Variants in SCP2 observed in about 807,000 individuals in gnomAD.
SCP2 encodes the protein sterol carrier protein 2.
A neutral mutation model predicts 71.4 loss-of-function variants in SCP2; 48 were observed. The observed-to-expected ratio is 0.67, with a 90% CI of 0.53 to 0.86. SCP2 has a LOEUF of 0.86. Among genes scored for constraint, SCP2 ranks in the 40% least tolerant of loss-of-function variants. The pLI is 0.00. For synonymous variants in SCP2, 220 were observed against 218.1 expected (o/e 1.01, Z -0.08); for missense variants, 560 against 655.6 (o/e 0.85, Z 1.59).
intron 6 of SCP2, among the ~76,000 whole-genome samples, chr1:52,969,725 G>A (rs1295039508): frequency 6.6e-6 from 1 of 152,162 alleles, no homozygotes; most frequent in Admixed American, 6.5e-5. Flanking sequence ...GGAGGCTGAG[G>A]CAGGAGAACT....
At chr1:53,048,498 AC>A (rs1168597266) in intron 15 of SCP2, 1 of 181,626 alleles carries the variant, frequency 5.5e-6, no homozygotes, top group Non-Finnish European at 1.2e-5. Flanking sequence ...GGGAGCTGTA[AC>A]CAGTCCCTCT....
chr1:52,967,327 A>AT lies in SCP2; in HGVS notation c.523+5710dup, dbSNP rs78972221. Among the ~76,000 whole-genome samples the AT allele has an allele frequency of 3.8e-3, 545 of 142,898 alleles. 5 individuals carry two copies. Among genetic ancestry groups the AT allele is most frequent in the East Asian group, 0.031 (152 of 4,886 alleles). 93.7% of individuals were successfully genotyped at this position (142,898 alleles called of 152,430 possible). ...TTCTTTCTTTTTGGCTTGGTAATCT[A>AT]TTTTTTTTTTTTAATGTTTAAACAT... On this transcript the variant is annotated intron_variant, in intron 6 of 15. Coordinates refer to ENST00000371514, the MANE Select transcript of SCP2 (RefSeq NM_002979.5).
intron 10 of SCP2, among the ~76,000 whole-genome samples, chr1:52,985,620 C>T (rs2150182495): frequency 6.6e-6 from 1 of 152,322 alleles, no homozygotes; most frequent in East Asian, 1.9e-4. Context: ...CCAGTAGTTT[C>T]TCAACTCACT....
chr1:53,005,064 C>T (rs1476597856), intron 11 of SCP2, among the ~76,000 whole-genome samples: 7 of 152,162 alleles, frequency 4.6e-5, no homozygotes, highest in South Asian at 2.1e-4. Context: ...AAGGTGACAG[C>T]GAGGCTTGGG....
chr1:52,935,451 G>A (rs1166012610), intron 1 of SCP2, among the ~76,000 whole-genome samples: 3 of 151,060 alleles, frequency 2.0e-5, no homozygotes, highest in Non-Finnish European at 4.4e-5. Context: ...TTAGCCAGGC[G>A]TGGTGGTGGA....
intron 5 of SCP2, among the ~76,000 whole-genome samples, chr1:52,955,950 AC>A (rs1655753703): frequency 6.6e-6 from 1 of 151,996 alleles, no homozygotes; most frequent in Non-Finnish European, 1.5e-5. Flanking sequence ...ATAGGAAATT[AC>A]AAAAAAGAAC....
chr1:52,968,230 C>T (rs1657155322), intron 6 of SCP2, among the ~76,000 whole-genome samples: 1 of 152,172 alleles, frequency 6.6e-6, no homozygotes, highest in Non-Finnish European at 1.5e-5. Flanking sequence ...TGTTAGCCAC[C>T]ACGCCGGCCT....
intron 13 of SCP2, among the ~76,000 whole-genome samples, chr1:53,028,380 A>C (rs1476097409): frequency 2.0e-5 from 3 of 152,124 alleles, no homozygotes; most frequent in South Asian, 2.1e-4. Flanking sequence ...ATATAAAGGG[A>C]TTCTAATTTA....
chr1:52,948,878 C>T (rs769106687), intron 3 of SCP2, among the ~76,000 whole-genome samples: 2 of 152,010 alleles, frequency 1.3e-5, no homozygotes, highest in Non-Finnish European at 2.9e-5. Flanking sequence ...CCACAGAACT[C>T]GTTCATCTTA....
At chr1:52,956,902 CTTTTTTTTTTTT>C (rs370787153) in intron 5 of SCP2, among the ~76,000 whole-genome samples, 1 of 105,896 alleles carries the variant, frequency 9.4e-6, no homozygotes, top group Non-Finnish European at 1.8e-5. Context: ...CTCCTTCTGC[CTTTTTTTTTTTT>C]TTTTTTTTTT....
chr1:53,025,744 T>C (rs922035513), intron 12 of SCP2, among the ~76,000 whole-genome samples: 12 of 152,228 alleles, frequency 7.9e-5, no homozygotes, highest in Admixed American at 7.2e-4. Flanking sequence ...GCCTCCTAAC[T>C]AGTGCCCACT....
Position 52,962,362 on chromosome 1 carries a change from G to A in SCP2, c.523+733G>A, listed in dbSNP as rs150514469. 7.6e-3 allele frequency among the ~76,000 whole-genome samples: 1,162 copies of A among 151,968 alleles called. 9 individuals carry two copies. The highest frequency in any genetic ancestry group is 0.014 in the Middle Eastern group (4 of 294). On this transcript the variant is annotated intron_variant, in intron 6 of 15. Coordinates refer to ENST00000371514, the MANE Select transcript of SCP2 (RefSeq NM_002979.5). ...ACTTTTGCTGTAGTGGCATAATTTC[G>A]CACCTGAAATTTAGGAGTGTTCTAA... is the stretch of plus-strand genomic sequence containing the variant.
At chr1:53,048,450 T>G (rs972923954) in intron 15 of SCP2, 1 of 191,036 alleles carries the variant, frequency 5.2e-6, no homozygotes, top group African/African-American at 2.3e-5. Flanking sequence ...CAAAATTAGC[T>G]CAGATATTAT....
chr1:52,997,844 C>T (rs1455919945), intron 11 of SCP2, among the ~76,000 whole-genome samples: 16 of 152,186 alleles, frequency 1.1e-4, no homozygotes, highest in Admixed American at 1.0e-3. Context: ...TCATTACCCC[C>T]AAAAGTTCTA....
chr1:52,942,221 C>A (rs1775540), intron 2 of SCP2, among the ~76,000 whole-genome samples: 100,355 of 152,012 alleles, frequency 0.66, 34,668 homozygotes, highest in African/African-American at 0.85. Flanking sequence ...AATCACATTC[C>A]AAATGTATTA....
chr1:52,970,663 G>T (rs904258759), intron 6 of SCP2, among the ~76,000 whole-genome samples: 3 of 151,814 alleles, frequency 2.0e-5, no homozygotes, highest in African/African-American at 7.3e-5. Context: ...TTTCACACTT[G>T]GGGAGGAGGT....
At chr1:53,018,560 G>A (rs1045905924) in intron 12 of SCP2, among the ~76,000 whole-genome samples, 2 of 151,896 alleles carry the variant, frequency 1.3e-5, no homozygotes, top group Non-Finnish European at 2.9e-5. Flanking sequence ...TGGACAACAT[G>A]GCGAAACCCC....
intron 11 of SCP2, chr1:52,994,183 C>T: frequency 9.7e-7 from 1 of 1,035,918 alleles, no homozygotes; most frequent in Non-Finnish European, 1.2e-6. Flanking sequence ...GCTAATGGGA[C>T]ATGGAGATGT....
At chr1:52,994,343 G>C in intron 11 of SCP2, 2 of 933,014 alleles carry the variant, frequency 2.1e-6, no homozygotes, top group Non-Finnish European at 2.6e-6. Context: ...AGATGAATAT[G>C]ATATTTCATT....
Sources: gnomAD v4.1 joint callset for allele counts (sites outside exome capture counted in the v4.1 genomes callset) on GRCh38, gnomAD v4.1.1 for gene constraint, MANE v1.5 for transcripts, NCBI Gene and HGNC (gene_info 2026-07-23, HGNC 2026-07-21) for gene names.